CCT7: variants seen among roughly 807,000 people sequenced by gnomAD.
The protein encoded by CCT7 is chaperonin containing TCP1 subunit 7, also known as T-complex protein 1 subunit eta.
CCT7 carries 16 observed loss-of-function variants against 56.6 expected under a neutral mutation model. That is an observed-to-expected ratio of 0.28 (90% CI 0.19 to 0.43). The LOEUF is 0.43. CCT7 is among the 20% of genes least tolerant of loss of function. CCT7 has a pLI of 1.00. For synonymous variants in CCT7, 262 were observed against 254.8 expected (o/e 1.03, Z -0.27); for missense variants, 519 against 685.6 (o/e 0.76, Z 2.71).
intron 11 of CCT7, 33 bp downstream of exon 11, chr2:73,251,465 T>TGG: frequency 2.7e-5 from 13 of 482,304 alleles, no homozygotes; most frequent in East Asian, 5.4e-5. Flanking sequence ...GTTCAGGGTT[T>TGG]GGGCGGGTGG....
chr2:73,248,066 T>G, intron 7 of CCT7, 140 bp downstream of exon 7: 1 of 732,610 alleles, frequency 1.4e-6, no homozygotes, highest in Non-Finnish European at 2.2e-6. Flanking sequence ...GCCCCCTTCT[T>G]TCCATACTCT....
At chr2:73,249,751 C>A in intron 8 of CCT7, 68 bp from the exon 9 acceptor site, 1 of 1,060,130 alleles carries the variant, frequency 9.4e-7, no homozygotes, top group Non-Finnish European at 1.5e-6. Flanking sequence ...GGCTTTGAGA[C>A]GAGGTGGCAG....
At chr2:73,239,494 A>G (rs1290020376) in intron 1 of CCT7, 149 bp from the exon 2 acceptor site, 1 of 675,212 alleles carries the variant, frequency 1.5e-6, no homozygotes, top group African/African-American at 1.8e-5. Context: ...TGGTTGGGGA[A>G]TGGATGTGGT....
At chr2:73,248,347 G>C (rs1451112666) in intron 7 of CCT7, among the ~76,000 whole-genome samples, 1 of 150,248 alleles carries the variant, frequency 6.7e-6, no homozygotes, top group Non-Finnish European at 1.5e-5. Context: ...CTTGGGGAAG[G>C]GGTCTTTTTT....
At position 73,242,030 on chromosome 2, in the gene CCT7, C is replaced by T. The variant is rs551427625; in HGVS notation, c.268-974C>T. On this transcript the variant is annotated intron_variant, in intron 3 of 11. Coordinates refer to ENST00000258091, the MANE Select transcript of CCT7 (RefSeq NM_006429.4). ...TGCTGGGATTACAGGCATGAGCCAC[C>T]GTGCCTGGCCTCCTCATAGTTTTTG... 6.2e-4 allele frequency among the ~76,000 whole-genome samples: 95 copies of T among 152,146 alleles called. 2 individuals are homozygous for T. Among genetic ancestry groups the T allele is most frequent in the African/African-American group, 2.2e-3 (91 of 41,542 alleles).
In CCT7 at chr2:73,242,338, G is replaced by T. The variant is rs571282025; in HGVS notation, c.268-666G>T. Among the ~76,000 whole-genome samples the T allele has an allele frequency of 2.0e-5, 3 of 152,244 alleles. No individual in the cohort carries two copies. In the South Asian group the frequency reaches 6.2e-4, roughly 32 times the overall value. On this transcript the variant is annotated intron_variant, in intron 3 of 11. Transcript: ENST00000258091. The stretch of plus-strand genomic sequence containing the variant: ...TCTGTCGCCCAGGCTGGAGTGCTGT[G>T]GTGCGATCTTGGCTCACTGCAACCT...
At position 73,239,870 on chromosome 2, in the gene CCT7, G is replaced by A. The variant is rs185047677; in HGVS notation, c.160+74G>A. 1.8e-5 allele frequency: 23 copies of A among 1,312,518 alleles called. No homozygotes were observed. In the East Asian group the frequency reaches 5.0e-4, roughly 28 times the overall value. The allele number at this position is 1,312,518 out of a possible 1,614,324, so 81.3% of individuals were successfully genotyped here. A position where few individuals can be genotyped will look rare whatever the true frequency, so the allele number is the denominator to read the frequency against. On this transcript the variant is annotated intron_variant, in intron 2 of 11. Coordinates refer to ENST00000258091, the MANE Select transcript of CCT7 (RefSeq NM_006429.4). The stretch of plus-strand genomic sequence containing the variant: ...GAGGGGGTGTTTGGGACTAGCATAG[G>A]TTGGTATCAGAAATCCCACTGCTTT...
rs751255854 is a variant in CCT7, at chr2:73,249,801, GCCTTC to G, written c.973-16_973-12del. 6.3e-7 allele frequency: 1 copy of G among 1,581,346 alleles called. No individual in the cohort carries two copies. The highest frequency in any genetic ancestry group is 1.7e-5 in the Admixed American group (1 of 59,964). ...TCGGGAACCTTCACTGCTAGATCTT[GCCTTC>G]CTTGCTCCCTAGGCCTGTGGAGGCT... is the stretch of plus-strand genomic sequence containing the variant. On this transcript the variant is annotated splice_polypyrimidine_tract_variant and intron_variant, in intron 8 of 11. Coordinates refer to ENST00000258091, the MANE Select transcript of CCT7 (RefSeq NM_006429.4).
Position 73,252,908 on chromosome 2 carries a change from AC to A in CCT7, c.*50del, listed in dbSNP as rs747187873. The A allele has an allele frequency of 4.8e-6, 7 of 1,446,038 alleles. No homozygotes were observed. Among genetic ancestry groups the A allele is most frequent in the East Asian group, 4.6e-5 (2 of 43,022 alleles). The allele number at this position is 1,446,038 out of a possible 1,614,324, so 89.6% of individuals were successfully genotyped here. A position where few individuals can be genotyped will look rare whatever the true frequency, so the allele number is the denominator to read the frequency against. ...GGCTGGCTGGCTGCTGGGTGCACTTACCCTCCTTGGCTTGGTTACTTCATTT... is the reference window on the plus strand; with the variant it reads ...GGCTGGCTGGCTGCTGGGTGCACTTACCTCCTTGGCTTGGTTACTTCATTT... On this transcript the variant is annotated 3_prime_UTR_variant, in exon 12 of 12. Transcript: ENST00000258091.
intron 5 of CCT7, 21 bp downstream of exon 5, chr2:73,244,070 T>G (rs1407392990): frequency 9.4e-6 from 15 of 1,598,648 alleles, no homozygotes; most frequent in East Asian, 8.9e-5. Context: ...AGTGGGTTTT[T>G]TTTTTTTTTT....
At chr2:73,240,346 C>T in intron 2 of CCT7, 91 bp from the exon 3 acceptor site, 1 of 814,624 alleles carries the variant, frequency 1.2e-6, no homozygotes, top group Non-Finnish European at 2.0e-6. Flanking sequence ...TCCCCTCTGC[C>T]CCATCCCAGT....
At chr2:73,246,199 A>T (rs150963217) in intron 6 of CCT7, among the ~76,000 whole-genome samples, 1 of 152,212 alleles carries the variant, frequency 6.6e-6, no homozygotes, top group Non-Finnish European at 1.5e-5. Flanking sequence ...TTTCTGATCC[A>T]TATCTTTAGT....
chr2:73,239,361 A>G, intron 1 of CCT7: 1 of 316,372 alleles, frequency 3.2e-6, no homozygotes, highest in East Asian at 6.9e-5. Context: ...ATGGTCATTC[A>G]GCTGGGTACT....
chr2:73,248,945 C>A, intron 7 of CCT7, 46 bp from the exon 8 acceptor site: 1 of 1,532,040 alleles, frequency 6.5e-7, no homozygotes, highest in Non-Finnish European at 9.0e-7. Context: ...CCGTATATGT[C>A]AACCTTCACC....
At position 73,234,315 on chromosome 2, in the gene CCT7, G is replaced by C; in HGVS notation, c.-64G>C. The C allele has an allele frequency of 6.2e-7, 1 of 1,606,002 alleles. No homozygotes were observed. On this transcript the variant is annotated 5_prime_UTR_variant, in exon 1 of 12. Transcript: ENST00000258091. Reference sequence around the variant, plus strand: ...ATTTCTATTGCGCGAGGCATTGTGGGTTGCTGGGCGGCCCGGTCTCGGAGA... The same window carrying C: ...ATTTCTATTGCGCGAGGCATTGTGGCTTGCTGGGCGGCCCGGTCTCGGAGA...
At chr2:73,251,547 C>A in intron 11 of CCT7, 115 bp downstream of exon 11, 1 of 870,370 alleles carries the variant, frequency 1.1e-6, no homozygotes, top group Admixed American at 2.1e-5. Context: ...GCTGCAACTC[C>A]CCCCAGCCTG....
In CCT7 at chr2:73,252,742, GC is replaced by G; in HGVS notation, c.1514del (p.Ala505GlufsTer8). The G allele has an allele frequency of 1.2e-6, 2 of 1,614,164 alleles. No homozygotes were observed. Among genetic ancestry groups the G allele is most frequent in the Non-Finnish European group, 1.7e-6 (2 of 1,180,012 alleles). On this transcript the variant is annotated frameshift_variant, in exon 12 of 12. Transcript: ENST00000258091. LOFTEE classifies it high-confidence loss of function. ...TATGGTGCGGATCAATGCGCTGACA[GC>G]AGCCTCTGAGGCTGCGTGCCTGATC... ...PAMVRINALT[A>X]ASEAACLIVS...
chr2:73,242,305 A>G (rs1344718477), intron 3 of CCT7, among the ~76,000 whole-genome samples: 1 of 151,632 alleles, frequency 6.6e-6, no homozygotes, highest in East Asian at 2.0e-4. Flanking sequence ...CTTGAGACGG[A>G]GTCTCACTCT....
intron 1 of CCT7, chr2:73,239,122 C>T (rs764146714): frequency 6.6e-6 from 1 of 152,594 alleles, no homozygotes; most frequent in Non-Finnish European, 1.5e-5. Context: ...TGCAGCTGAA[C>T]ATCACTGTTA....
Sources: gnomAD v4.1 joint callset for allele counts (sites outside exome capture counted in the v4.1 genomes callset) on GRCh38, gnomAD v4.1.1 for gene constraint, MANE v1.5 for transcripts, NCBI Gene and HGNC (gene_info 2026-07-23, HGNC 2026-07-21) for gene names.